COL21A1: variants seen among roughly 807,000 people sequenced by gnomAD.
COL21A1 encodes the protein collagen alpha-1(XXI) chain.
COL21A1 carries 149 observed loss-of-function variants against 137.9 expected under a neutral mutation model. The observed-to-expected ratio is 1.08, with a 90% confidence interval of 0.95 to 1.24. COL21A1 has a LOEUF of 1.24. COL21A1 is among the 50% of genes most tolerant of loss of function. COL21A1 has a pLI of 0.00. For synonymous variants in COL21A1, 456 were observed against 391.5 expected (o/e 1.16, Z -1.95); for missense variants, 1,167 against 1,158.4 (o/e 1.01, Z -0.11).
At position 56,057,484 on chromosome 6, in the gene COL21A1, G is replaced by C; in HGVS notation, c.*173C>G. The C allele has an allele frequency of 6.3e-6, 4 of 634,488 alleles. No homozygotes were observed. Among genetic ancestry groups the C allele is most frequent in the Non-Finnish European group, 1.1e-5 (4 of 369,650 alleles). 39.3% of individuals were successfully genotyped at this position (634,488 alleles called of 1,614,324 possible). A position where few individuals can be genotyped will look rare whatever the true frequency, so the allele number is the denominator to read the frequency against. The stretch of plus-strand genomic sequence containing the variant: ...TCCAAGGGCTCCAAATGACTGAGGA[G>C]CCTTTAAAATCAGTATATGTGATCT... On this transcript the variant is annotated 3_prime_UTR_variant, in exon 30 of 30. Coordinates refer to ENST00000244728, the MANE Select transcript of COL21A1 (RefSeq NM_030820.4).
At chr6:56,195,925 G>GA (rs1207132585) in intron 1 of COL21A1, among the ~76,000 whole-genome samples, 2 of 151,634 alleles carry the variant, frequency 1.3e-5, no homozygotes, top group Non-Finnish European at 2.9e-5. Flanking sequence ...AACACTACAA[G>GA]AAAAAAAATC....
chr6:56,121,697 G>A (rs2152207498), intron 16 of COL21A1, among the ~76,000 whole-genome samples: 1 of 151,720 alleles, frequency 6.6e-6, no homozygotes, highest in Non-Finnish European at 1.5e-5. Context: ...TACTACTCTG[G>A]TGGAGATGTT....
At chr6:56,079,875 T>C (rs189815640) in intron 17 of COL21A1, among the ~76,000 whole-genome samples, 1 of 151,672 alleles carries the variant, frequency 6.6e-6, no homozygotes, top group African/African-American at 2.4e-5. Flanking sequence ...ATATAAAAAC[T>C]ACAGGATATC....
At chr6:56,301,620 A>G (rs1376531482) in intron 1 of COL21A1, among the ~76,000 whole-genome samples, 1 of 152,228 alleles carries the variant, frequency 6.6e-6, no homozygotes, top group African/African-American at 2.4e-5. Flanking sequence ...AACTGGAAAT[A>G]TGACAGAGAT....
intron 1 of COL21A1, among the ~76,000 whole-genome samples, chr6:56,385,788 A>G (rs2094016898): frequency 6.6e-6 from 1 of 152,000 alleles, no homozygotes; most frequent in Non-Finnish European, 1.5e-5. Context: ...CCTATTCTGA[A>G]TATTTCTTAT....
chr6:56,254,929 AT>A (rs1012525009), intron 1 of COL21A1, among the ~76,000 whole-genome samples: 24 of 151,688 alleles, frequency 1.6e-4, no homozygotes, highest in Non-Finnish European at 2.2e-4. Context: ...TTATCCCTAG[AT>A]TTTTTTTTCT....
intron 10 of COL21A1, among the ~76,000 whole-genome samples, chr6:56,150,871 C>A (rs1225911961): frequency 1.3e-5 from 2 of 152,204 alleles, no homozygotes; most frequent in Admixed American, 1.3e-4. Context: ...AGTAAAACAA[C>A]CCCAGATCTC....
intron 20 of COL21A1, among the ~76,000 whole-genome samples, chr6:56,072,417 A>G (rs992878698): frequency 6.6e-6 from 1 of 151,544 alleles, no homozygotes; most frequent in African/African-American, 2.4e-5. Context: ...AATATAAATT[A>G]GAGGTTTTCT....
chr6:56,209,446 A>G (rs1398309229), intron 1 of COL21A1, among the ~76,000 whole-genome samples: 8 of 152,330 alleles, frequency 5.3e-5, no homozygotes, highest in Non-Finnish European at 5.9e-5. Flanking sequence ...AAAAATAAGC[A>G]ACCCCATCAA....
At chr6:56,167,768 A>G (rs1415071763) in intron 6 of COL21A1, among the ~76,000 whole-genome samples, 2 of 152,200 alleles carry the variant, frequency 1.3e-5, no homozygotes, top group African/African-American at 4.8e-5. Context: ...TGCAGCTGCA[A>G]AGACATTTTT....
At chr6:56,126,201 A>C (rs77388571) in intron 12 of COL21A1, 52 bp from the exon 13 acceptor site, 1 of 1,163,238 alleles carries the variant, frequency 8.6e-7, no homozygotes, top group Non-Finnish European at 1.3e-6. Flanking sequence ...CAGCCTAAAC[A>C]ATATCATCAT....
At chr6:56,200,843 G>T (rs200084460) in intron 1 of COL21A1, among the ~76,000 whole-genome samples, 1 of 152,022 alleles carries the variant, frequency 6.6e-6, no homozygotes, top group Non-Finnish European at 1.5e-5. Flanking sequence ...TGGGTCAAAT[G>T]GTACTTCTAG....
At chr6:56,185,372 C>T (rs976104669) in intron 1 of COL21A1, among the ~76,000 whole-genome samples, 77 of 150,732 alleles carry the variant, frequency 5.1e-4, no homozygotes, top group African/African-American at 1.8e-3. Context: ...TAGAAAGCAC[C>T]ACTACAGATT....
At chr6:56,061,796 G>T in intron 24 of COL21A1, 115 bp from the exon 25 acceptor site, 1 of 646,508 alleles carries the variant, frequency 1.5e-6, no homozygotes, top group South Asian at 2.8e-5. Flanking sequence ...GGAAAATATT[G>T]ATAGCATTAG....
chr6:56,106,349 C>T (rs1770890017), intron 16 of COL21A1, among the ~76,000 whole-genome samples: 1 of 152,110 alleles, frequency 6.6e-6, no homozygotes, highest in African/African-American at 2.4e-5. Context: ...GTTCTATATC[C>T]CATTCTTTCC....
intron 1 of COL21A1, among the ~76,000 whole-genome samples, chr6:56,348,545 T>G (rs547888694): frequency 3.6e-4 from 55 of 151,474 alleles, no homozygotes; most frequent in African/African-American, 1.3e-3. Context: ...GAGGGAGAGG[T>G]TCTTCTGTAG....
At chr6:56,327,053 G>A (rs1289652617) in intron 1 of COL21A1, among the ~76,000 whole-genome samples, 1 of 151,968 alleles carries the variant, frequency 6.6e-6, no homozygotes, top group East Asian at 1.9e-4. Context: ...AAACCAGTAT[G>A]ATCAAGTTAA....
At chr6:56,176,867 GGGAGGAAAGA>G (rs1323993946) in intron 3 of COL21A1, among the ~76,000 whole-genome samples, 1 of 143,710 alleles carries the variant, frequency 7.0e-6, no homozygotes, top group Non-Finnish European at 1.5e-5. Flanking sequence ...GAGAGGAAAG[GGGAGGAAAGA>G]GGAGGAAGGG....
chr6:56,104,873 T>C (rs1770749159), intron 16 of COL21A1, among the ~76,000 whole-genome samples: 1 of 152,304 alleles, frequency 6.6e-6, no homozygotes, highest in South Asian at 2.1e-4. Context: ...AATAAAAGGA[T>C]GGAAAGTAAT....
Sources: allele counts gnomAD v4.1 joint callset (sites outside exome capture counted in the v4.1 genomes callset), GRCh38; gene constraint gnomAD v4.1.1; transcripts MANE v1.5; gene names NCBI Gene and HGNC (gene_info 2026-07-23, HGNC 2026-07-21).